Variants in SRGAP3 observed in about 807,000 individuals in gnomAD.
SRGAP3 encodes SLIT-ROBO Rho GTPase-activating protein 3.
A neutral mutation model predicts 121.1 loss-of-function variants in SRGAP3; 39 were observed. The ratio of observed to expected loss-of-function variants is 0.32; its 90% CI spans 0.25 to 0.42. The LOEUF (loss-of-function observed/expected upper bound fraction) is 0.42, where lower values mean the gene tolerates loss of function less well. Among genes scored for constraint, SRGAP3 ranks in the 10% least tolerant of loss-of-function variants. The pLI is 1.00. For synonymous variants in SRGAP3, 601 were observed against 570.0 expected (o/e 1.05, Z -0.77); for missense variants, 1,213 against 1,470.6 (o/e 0.82, Z 2.86).
intron 3 of SRGAP3, among the ~76,000 whole-genome samples, chr3:9,319,650 C>T (rs1391361976): frequency 6.6e-6 from 1 of 151,882 alleles, no homozygotes; most frequent in Non-Finnish European, 1.5e-5. Flanking sequence ...AGAAAATTAA[C>T]TCCAAAACCA....
chr3:9,138,444 G>T (rs939726049), intron 1 of SRGAP3, among the ~76,000 whole-genome samples: 1 of 152,176 alleles, frequency 6.6e-6, no homozygotes, highest in Non-Finnish European at 1.5e-5. Context: ...AAGGGTTGAA[G>T]ACATGCTAGC....
At chr3:9,198,292 G>T (rs1145154) in intron 1 of SRGAP3, among the ~76,000 whole-genome samples, 83,153 of 152,142 alleles carry the variant, frequency 0.55, 24,290 homozygotes, top group African/African-American at 0.76. Flanking sequence ...AATGTTTGTC[G>T]TGCCTTTTAT....
intron 3 of SRGAP3, among the ~76,000 whole-genome samples, chr3:9,084,269 A>G (rs1947364657): frequency 6.6e-6 from 1 of 152,058 alleles, no homozygotes; most frequent in African/African-American, 2.4e-5. Context: ...CCTCCAGGAG[A>G]GTTCTTCAAG....
chr3:9,160,860 A>G (rs1950579602), intron 1 of SRGAP3, among the ~76,000 whole-genome samples: 1 of 152,222 alleles, frequency 6.6e-6, no homozygotes, highest in Admixed American at 6.5e-5. Flanking sequence ...TAAAATTTAG[A>G]AAAATACAAC....
chr3:9,286,652 G>GAGTGC, intron 3 of SRGAP3, among the ~76,000 whole-genome samples: 1 of 152,078 alleles, frequency 6.6e-6, no homozygotes, highest in Admixed American at 6.5e-5. Flanking sequence ...GCCCAGGCTG[G>GAGTGC]AGTGCAGTGG....
intron 1 of SRGAP3, among the ~76,000 whole-genome samples, chr3:9,187,985 A>C (rs1286023202): frequency 6.6e-6 from 1 of 152,124 alleles, no homozygotes; most frequent in Non-Finnish European, 1.5e-5. Context: ...TTGGAATGGG[A>C]CTCTGGTCCT....
chr3:9,214,117 A>AAC (rs34152705), intron 1 of SRGAP3, among the ~76,000 whole-genome samples: 6,386 of 133,834 alleles, frequency 0.048, 157 homozygotes, highest in Middle Eastern at 0.072. Context: ...ACCCACCTCC[A>AAC]ACACACACAC....
rs759273514 is a variant in SRGAP3, at chr3:8,994,331, G to A, written c.2408+12C>T. On this transcript the variant is annotated intron_variant, in intron 19 of 21. Coordinates refer to ENST00000383836, the MANE Select transcript of SRGAP3 (RefSeq NM_014850.4). ...TTTCGGCATTCTTCACAGAATTCTCGACTCCACTCACATGTCCTGTACAAC... is the reference window on the plus strand; with the variant it reads ...TTTCGGCATTCTTCACAGAATTCTCAACTCCACTCACATGTCCTGTACAAC... 3.0e-5 allele frequency: 49 copies of A among 1,613,794 alleles called. No homozygotes were observed. Among genetic ancestry groups the A allele is most frequent in the African/African-American group, 6.7e-5 (5 of 75,036 alleles).
intron 1 of SRGAP3, among the ~76,000 whole-genome samples, chr3:9,209,622 C>A (rs567814094): frequency 6.6e-6 from 1 of 152,312 alleles, no homozygotes; most frequent in South Asian, 2.1e-4. Context: ...ACCTTCCCTT[C>A]TAAATACATA....
chr3:9,303,522 T>C (rs562826225), intron 3 of SRGAP3, among the ~76,000 whole-genome samples: 1 of 152,132 alleles, frequency 6.6e-6, no homozygotes, highest in Non-Finnish European at 1.5e-5. Context: ...TACACCTATA[T>C]AGAGATCTCT....
At chr3:9,240,756 C>T (rs762540495) in intron 1 of SRGAP3, among the ~76,000 whole-genome samples, 11 of 152,152 alleles carry the variant, frequency 7.2e-5, no homozygotes, top group Admixed American at 1.3e-4. Context: ...TTTCTGGTTC[C>T]GTATTTCCAG....
chr3:9,142,205 A>G (rs1484510274), intron 1 of SRGAP3, among the ~76,000 whole-genome samples: 2 of 152,248 alleles, frequency 1.3e-5, no homozygotes, highest in East Asian at 1.9e-4. Flanking sequence ...CATACATATG[A>G]AAGAGCTCTG....
chr3:9,032,545 AG>A (rs1199850867), intron 12 of SRGAP3, 104 bp downstream of exon 12: 3 of 1,038,096 alleles, frequency 2.9e-6, no homozygotes, highest in Non-Finnish European at 4.5e-6. Context: ...CTAGCTCCAC[AG>A]GGCCTGGCCA....
At chr3:9,318,212 T>C (rs916220839) in intron 3 of SRGAP3, among the ~76,000 whole-genome samples, 10 of 149,434 alleles carry the variant, frequency 6.7e-5, no homozygotes, top group African/African-American at 2.4e-4. Context: ...TTCATCACCT[T>C]GTCTGGCCCA....
At chr3:9,203,584 A>G (rs549636744) in intron 1 of SRGAP3, among the ~76,000 whole-genome samples, 7 of 152,104 alleles carry the variant, frequency 4.6e-5, no homozygotes, top group African/African-American at 1.7e-4. Context: ...CCCTCTGCCC[A>G]CACCCTTACT....
intron 3 of SRGAP3, among the ~76,000 whole-genome samples, chr3:9,260,157 G>A (rs746113125): frequency 7.2e-5 from 11 of 152,108 alleles, no homozygotes; most frequent in Non-Finnish European, 1.2e-4. Flanking sequence ...GCAACCCACC[G>A]ACCAGGAGAT....
intron 9 of SRGAP3, among the ~76,000 whole-genome samples, chr3:9,052,803 A>G (rs947710211): frequency 6.6e-6 from 1 of 152,214 alleles, no homozygotes; most frequent in Non-Finnish European, 1.5e-5. Context: ...GAAAATTTCA[A>G]TAATCATCAC....
chr3:9,053,796 T>C (rs995455615), intron 8 of SRGAP3, among the ~76,000 whole-genome samples: 32 of 152,328 alleles, frequency 2.1e-4, no homozygotes, highest in African/African-American at 5.8e-4. Flanking sequence ...TCCAGTTTTT[T>C]CTTCTGGAAT....
At chr3:9,059,810 C>G (rs1367184563) in intron 6 of SRGAP3, 1 of 297,238 alleles carries the variant, frequency 3.4e-6, no homozygotes, top group Non-Finnish European at 6.6e-6. Context: ...CGCATGTACA[C>G]GTGTCTGGCT....
Sources: gnomAD v4.1 joint callset for allele counts (sites outside exome capture counted in the v4.1 genomes callset) on GRCh38, gnomAD v4.1.1 for gene constraint, MANE v1.5 for transcripts, NCBI Gene and HGNC (gene_info 2026-07-23, HGNC 2026-07-21) for gene names.